The following STAG1 variants were observed in gnomAD, a reference collection of about 807,000 sequenced individuals.
STAG1 encodes cohesin subunit SA-1.
STAG1 carries 26 observed loss-of-function variants against 170.9 expected under a neutral mutation model. The ratio of observed to expected loss-of-function variants is 0.15; its 90% CI spans 0.11 to 0.21. The LOEUF is 0.21. Ranked by LOEUF, STAG1 falls within the 10% of genes least tolerant of loss-of-function variation. The pLI, the probability that STAG1 is intolerant of heterozygous loss-of-function variation, is 1.00. For missense variants in STAG1, 964 were observed against 1,509.5 expected (o/e 0.64, Z 5.99); for synonymous variants, 514 against 497.7 (o/e 1.03, Z -0.44).
intron 4 of STAG1, among the ~76,000 whole-genome samples, chr3:136,578,033 A>G (rs1353756515): frequency 6.6e-6 from 1 of 152,246 alleles, no homozygotes; most frequent in Non-Finnish European, 1.5e-5. Context: ...AACTATACAC[A>G]TGCAGCCCCA....
intron 3 of STAG1, among the ~76,000 whole-genome samples, chr3:136,605,606 T>C (rs61790791): frequency 0.044 from 6,733 of 152,258 alleles, 190 homozygotes; most frequent in Non-Finnish European, 0.066. Flanking sequence ...CCCCTAAGTA[T>C]CTTTTCTTCT....
At chr3:136,394,799 A>T (rs896394989) in intron 22 of STAG1, among the ~76,000 whole-genome samples, 5 of 151,878 alleles carry the variant, frequency 3.3e-5, no homozygotes, top group Non-Finnish European at 5.9e-5. Flanking sequence ...CTAAACATAC[A>T]AAAATTAGCC....
chr3:136,557,905 A>C (rs1284770471), intron 5 of STAG1, among the ~76,000 whole-genome samples: 1 of 152,234 alleles, frequency 6.6e-6, no homozygotes, highest in African/African-American at 2.4e-5. Flanking sequence ...GTTACACTTA[A>C]AAATTTAAAA....
intron 23 of STAG1, among the ~76,000 whole-genome samples, chr3:136,374,067 G>A (rs1937487662): frequency 6.6e-6 from 1 of 152,084 alleles, no homozygotes. Flanking sequence ...AGCTCTTCTT[G>A]TTGAATTGAT....
chr3:136,532,497 G>C (rs1249998254), intron 6 of STAG1, among the ~76,000 whole-genome samples: 1 of 152,058 alleles, frequency 6.6e-6, no homozygotes, highest in East Asian at 1.9e-4. Flanking sequence ...GAATCCTTCT[G>C]GGCCTGGGCT....
intron 21 of STAG1, among the ~76,000 whole-genome samples, chr3:136,415,379 G>C (rs2087742758): frequency 6.6e-6 from 1 of 151,900 alleles, no homozygotes; most frequent in South Asian, 2.1e-4. Flanking sequence ...CAAACAGCTA[G>C]ACAGTTTTAA....
At chr3:136,510,854 T>C (rs1934031542) in intron 7 of STAG1, among the ~76,000 whole-genome samples, 1 of 152,164 alleles carries the variant, frequency 6.6e-6, no homozygotes, top group Non-Finnish European at 1.5e-5. Context: ...CTTGACTCAC[T>C]GCAACCTCCA....
intron 4 of STAG1, among the ~76,000 whole-genome samples, chr3:136,600,743 C>T (rs1938624353): frequency 1.3e-5 from 2 of 152,088 alleles, no homozygotes; most frequent in African/African-American, 4.8e-5. Context: ...CCATATTGGC[C>T]AGGGTGGTCT....
intron 23 of STAG1, among the ~76,000 whole-genome samples, chr3:136,370,161 C>A (rs987719285): frequency 6.6e-6 from 1 of 151,894 alleles, no homozygotes; most frequent in Non-Finnish European, 1.5e-5. Context: ...AAAAAATTAA[C>A]TGTGAAACAT....
intron 1 of STAG1, among the ~76,000 whole-genome samples, chr3:136,672,278 G>A (rs967267121): frequency 6.6e-5 from 10 of 152,214 alleles, no homozygotes; most frequent in African/African-American, 2.4e-4. Flanking sequence ...GATGGAAACA[G>A]CATTTTCAAT....
intron 1 of STAG1, among the ~76,000 whole-genome samples, chr3:136,649,503 C>CAAAAAAAAAAAAAAAAAAA (rs761067087): frequency 4.8e-4 from 34 of 70,776 alleles, no homozygotes; most frequent in East Asian, 1.6e-3. Flanking sequence ...AAAACAGAAA[C>CAAAAAAAAAAAAAAAAAAA]AAAAAAAAAA....
chr3:136,429,108 G>C (rs2088217483), intron 16 of STAG1, among the ~76,000 whole-genome samples: 1 of 152,002 alleles, frequency 6.6e-6, no homozygotes, highest in Non-Finnish European at 1.5e-5. Flanking sequence ...TTGCACTCCA[G>C]CCTGGAACAG....
At chr3:136,692,482 A>C (rs1400773960) in intron 1 of STAG1, among the ~76,000 whole-genome samples, 1 of 152,112 alleles carries the variant, frequency 6.6e-6, no homozygotes, top group Non-Finnish European at 1.5e-5. Context: ...TAAAAGTACA[A>C]AAATTAGCCA....
At chr3:136,422,087 C>T (rs545541906) in intron 19 of STAG1, among the ~76,000 whole-genome samples, 78 of 145,852 alleles carry the variant, frequency 5.3e-4, no homozygotes, top group Non-Finnish European at 3.4e-4. Context: ...GCGGAGGTTG[C>T]GGTGAGCAAC....
At chr3:136,486,265 A>C (rs1274542424) in intron 9 of STAG1, among the ~76,000 whole-genome samples, 1 of 152,226 alleles carries the variant, frequency 6.6e-6, no homozygotes, top group East Asian at 1.9e-4. Flanking sequence ...CACATCTTCA[A>C]CATTATTAGA....
intron 7 of STAG1, among the ~76,000 whole-genome samples, chr3:136,519,341 T>G (rs954106066): frequency 6.6e-6 from 1 of 152,146 alleles, no homozygotes; most frequent in Non-Finnish European, 1.5e-5. Flanking sequence ...TCTTGAGAAC[T>G]GTAAACTAAT....
At chr3:136,735,551 C>T (rs1490725687) in intron 1 of STAG1, among the ~76,000 whole-genome samples, 2 of 152,232 alleles carry the variant, frequency 1.3e-5, no homozygotes, top group Middle Eastern at 3.4e-3. Flanking sequence ...ATTCTCATGC[C>T]TCAGCCACCA....
At chr3:136,669,619 A>G (rs1941918245) in intron 1 of STAG1, among the ~76,000 whole-genome samples, 1 of 152,292 alleles carries the variant, frequency 6.6e-6, no homozygotes, top group Non-Finnish European at 1.5e-5. Context: ...TCAGCCTCCC[A>G]AAGTGCTGGG....
chr3:136,738,766 T>C (rs1196738190), intron 1 of STAG1, among the ~76,000 whole-genome samples: 1 of 152,194 alleles, frequency 6.6e-6, no homozygotes, highest in Non-Finnish European at 1.5e-5. Flanking sequence ...ATTGGATACT[T>C]GAAAATGCTG....
Sources: allele counts gnomAD v4.1 joint callset (sites outside exome capture counted in the v4.1 genomes callset), GRCh38; gene constraint gnomAD v4.1.1; transcripts MANE v1.5; gene names NCBI Gene and HGNC (gene_info 2026-07-23, HGNC 2026-07-21).